The following ACSL1 variants were observed in gnomAD, a reference collection of about 807,000 sequenced individuals.
ACSL1 encodes long-chain-fatty-acid--CoA ligase 1.
In ACSL1, 41 loss-of-function variants were observed where a neutral mutation model predicts 98.4. That is an observed-to-expected ratio of 0.42 (90% confidence interval 0.32 to 0.54). ACSL1 has a LOEUF of 0.54. Among genes scored for constraint, ACSL1 ranks in the 20% least tolerant of loss-of-function variants. ACSL1 has a pLI of 0.13. For synonymous variants in ACSL1, 316 were observed against 322.7 expected (o/e 0.98, Z 0.22); for missense variants, 734 against 883.1 (o/e 0.83, Z 2.14).
chr4:184,765,054 T>C, intron 14 of ACSL1, 129 bp from the exon 15 acceptor site: 1 of 908,830 alleles, frequency 1.1e-6, no homozygotes, highest in African/African-American at 1.7e-5. Context: ...TCAAATGGTC[T>C]GTTCAGTAAG....
intron 4 of ACSL1, among the ~76,000 whole-genome samples, chr4:184,781,023 G>A (rs1766162764): frequency 1.2e-5 from 1 of 83,056 alleles, no homozygotes; most frequent in African/African-American, 5.1e-5. Context: ...CAGATCACTT[G>A]AGGGAGTTCG....
intron 2 of ACSL1, among the ~76,000 whole-genome samples, chr4:184,791,809 T>C (rs978220991): frequency 3.3e-5 from 5 of 151,910 alleles, no homozygotes; most frequent in African/African-American, 9.7e-5. Context: ...TAACAGGTAA[T>C]GGGGTGTAAG....
intron 1 of ACSL1, among the ~76,000 whole-genome samples, chr4:184,810,354 A>G (rs980955083): frequency 6.6e-6 from 1 of 152,164 alleles, no homozygotes. Flanking sequence ...AGCACCTCAT[A>G]CTATGACAGC....
intron 1 of ACSL1, among the ~76,000 whole-genome samples, chr4:184,822,574 G>GA (rs112276761): frequency 9.4e-4 from 143 of 151,858 alleles, no homozygotes; most frequent in African/African-American, 3.3e-3. Flanking sequence ...GCTTCACTAC[G>GA]AAAAAAATAC....
rs550692295 is a variant in ACSL1, at chr4:184,787,275, T to C, written c.310+1342A>G. The stretch of plus-strand genomic sequence containing the variant: ...ATGCATTAGTGGGGCGCTCACTGTG[T>C]GCCAGGCACTGTCAGTGCTGTGAAA... On this transcript the variant is annotated intron_variant, in intron 3 of 20. Transcript: ENST00000281455. 3.3e-4 allele frequency among the ~76,000 whole-genome samples: 51 copies of C among 152,342 alleles called. 1 individual carries two copies. Among genetic ancestry groups the C allele is most frequent in the South Asian group, 1.0e-3 (5 of 4,826 alleles).
chr4:184,792,441 AT>A (rs146302237), intron 2 of ACSL1, among the ~76,000 whole-genome samples: 2 of 151,434 alleles, frequency 1.3e-5, no homozygotes, highest in East Asian at 1.9e-4. Context: ...ATAATGAATT[AT>A]TTTTTTTTCC....
Position 184,803,686 on chromosome 4 carries a change from G to T in ACSL1, c.-32-140C>A. Reference sequence around the variant, plus strand: ...TTAAACCCACAATCTAATGATCCGGGGCTTTTCCTGGCTGTCAAGTGTCAT... The same window carrying T: ...TTAAACCCACAATCTAATGATCCGGTGCTTTTCCTGGCTGTCAAGTGTCAT... On this transcript the variant is annotated intron_variant, in intron 1 of 20. Transcript: ENST00000281455. This position sits in a 1 kb window ranked among gnomAD's most constrained non-coding sequence, Gnocchi z 4.8. The T allele has an allele frequency of 2.3e-6, 1 of 444,266 alleles. No homozygotes were observed. 27.5% of individuals were successfully genotyped at this position (444,266 alleles called of 1,614,324 possible).
intron 16 of ACSL1, 137 bp downstream of exon 16, chr4:184,763,030 C>A (rs1763073959): frequency 1.2e-6 from 1 of 836,076 alleles, no homozygotes; most frequent in East Asian, 2.7e-5. Context: ...CAGAAAGAAG[C>A]CTGGCAGACT....
At chr4:184,808,716 C>G (rs1771735595) in intron 1 of ACSL1, 1 of 157,338 alleles carries the variant, frequency 6.4e-6, no homozygotes. Context: ...TGCTCCTTAA[C>G]CCTGGCTTGG....
In ACSL1 at chr4:184,757,856, C is replaced by A. The variant is rs1337905430; in HGVS notation, c.1847G>T (p.Gly616Val). 4 of 1,614,170 alleles carry A rather than the reference C, an allele frequency of 2.5e-6. No homozygotes were observed. Among genetic ancestry groups the A allele is most frequent in the Non-Finnish European group, 3.4e-6 (4 of 1,180,036 alleles). Reference protein sequence around the residue: ...ETLCSWAQKRGFEGSFEELCR... With the variant: ...ETLCSWAQKRVFEGSFEELCR... ...CAGTTCCTCAAACGACCCTTCAAAT[C>A]CTCTCTTTTGGGCCCAGGAACATAA... The change falls in exon 19 of 21, where the codon GGA (glycine) becomes GTA (valine). Residue 616 changes from glycine to valine, a missense_variant. Gly to Val is a moderately radical substitution (Grantham distance 109). Coordinates refer to ENST00000281455, the MANE Select transcript of ACSL1 (RefSeq NM_001995.5). This position sits in a 1 kb window ranked among gnomAD's most constrained non-coding sequence, Gnocchi z 4.5.
In ACSL1 at chr4:184,756,647, G is replaced by C. The variant is rs556482376; in HGVS notation, c.*478C>G. ...ATTTAAAAAGATCTCTGGTCCGCTT[G>C]TGAGATTCTCCAGCCAGGACAGTTG... is the stretch of plus-strand genomic sequence containing the variant. On this transcript the variant is annotated 3_prime_UTR_variant, in exon 21 of 21. Transcript: ENST00000281455. 6.5e-6 allele frequency: 1 copy of C among 153,038 alleles called. No homozygotes were observed. Among genetic ancestry groups the C allele is most frequent in the South Asian group, 2.1e-4 (1 of 4,852 alleles). 9.5% of individuals were successfully genotyped at this position (153,038 alleles called of 1,614,324 possible).
intron 1 of ACSL1, chr4:184,821,298 G>A (rs1048346902): frequency 6.1e-6 from 2 of 330,142 alleles, no homozygotes; most frequent in Admixed American, 8.0e-5. Context: ...GGAATAAATA[G>A]TATTCAGAGT....
chr4:184,766,350 G>A lies in ACSL1; in HGVS notation c.1263+272C>T, dbSNP rs192351890. Among the ~76,000 whole-genome samples, 36 of 152,230 alleles carry A rather than the reference G, an allele frequency of 2.4e-4. No homozygotes were observed. The highest frequency in any genetic ancestry group is 1.6e-3 in the Admixed American group (24 of 15,294). On this transcript the variant is annotated intron_variant, in intron 13 of 20. Coordinates refer to ENST00000281455, the MANE Select transcript of ACSL1 (RefSeq NM_001995.5). This position sits in a 1 kb window ranked among gnomAD's most constrained non-coding sequence, Gnocchi z 4.8. ...TGAAAAATTACCTCAAGAGTGACAC[G>A]CTTGTTCCGGAAAAACGCAACAAAA...
intron 11 of ACSL1, among the ~76,000 whole-genome samples, chr4:184,769,498 G>A (rs1443420231): frequency 1.3e-5 from 2 of 152,202 alleles, no homozygotes; most frequent in African/African-American, 2.4e-5. Flanking sequence ...TTTGTTCAGC[G>A]TGGCCTGCCT....
chr4:184,769,684 G>A (rs936444299), intron 11 of ACSL1, among the ~76,000 whole-genome samples: 1 of 152,206 alleles, frequency 6.6e-6, no homozygotes. Context: ...CCAAAGCATC[G>A]GCTGATAGTC....
intron 3 of ACSL1, among the ~76,000 whole-genome samples, chr4:184,785,606 CGGGGGG>C (rs796880571): frequency 1.6e-4 from 1 of 6,414 alleles, no homozygotes; most frequent in Non-Finnish European, 3.9e-4. Flanking sequence ...TGGGCGGGGG[CGGGGGG>C]GGGGGGGGGA....
At chr4:184,767,228 G>A (rs912227022) in intron 12 of ACSL1, among the ~76,000 whole-genome samples, 1 of 147,812 alleles carries the variant, frequency 6.8e-6, no homozygotes, top group Non-Finnish European at 1.5e-5. Context: ...GCTGCAGTGA[G>A]CCATGATAAC....
chr4:184,811,105 CT>C (rs937302140), intron 1 of ACSL1, among the ~76,000 whole-genome samples: 2 of 150,872 alleles, frequency 1.3e-5, no homozygotes, highest in Non-Finnish European at 3.0e-5. Flanking sequence ...ATGCACAATG[CT>C]TTTTTTTTGT....
At chr4:184,813,157 T>G (rs558824738) in intron 1 of ACSL1, among the ~76,000 whole-genome samples, 46 of 152,306 alleles carry the variant, frequency 3.0e-4, no homozygotes, top group African/African-American at 1.0e-3. Flanking sequence ...CCCATGACGA[T>G]ATCCAGGTCA....
Sources: gnomAD v4.1 joint callset for allele counts (sites outside exome capture counted in the v4.1 genomes callset) on GRCh38, gnomAD v4.1.1 for gene constraint, Gnocchi (gnomAD v3.1) non-coding constraint, MANE v1.5 for transcripts, NCBI Gene and HGNC (gene_info 2026-07-23, HGNC 2026-07-21) for gene names.